WDR41: variants seen among roughly 807,000 people sequenced by gnomAD.
The protein encoded by WDR41 is WD repeat domain 41, also known as WD repeat-containing protein 41.
A neutral mutation model predicts 69.3 loss-of-function variants in WDR41; 63 were observed. That is an observed-to-expected ratio of 0.91 (90% CI 0.74 to 1.12). The LOEUF (loss-of-function observed/expected upper bound fraction) is 1.12, where lower values mean the gene tolerates loss of function less well. WDR41 is among the 50% of genes most tolerant of loss of function. The pLI is 0.00. For missense variants in WDR41, 543 were observed against 534.5 expected (o/e 1.02, Z -0.16); for synonymous variants, 185 against 192.1 (o/e 0.96, Z 0.31).
intron 1 of WDR41, among the ~76,000 whole-genome samples, chr5:77,543,920 C>A (rs1293944834): frequency 6.6e-6 from 1 of 151,984 alleles, no homozygotes; most frequent in Non-Finnish European, 1.5e-5. Context: ...CACCAGGTAA[C>A]CCATAAAGAA....
intron 1 of WDR41, among the ~76,000 whole-genome samples, chr5:77,591,858 A>T (rs747826412): frequency 1.3e-5 from 2 of 152,120 alleles, no homozygotes; most frequent in African/African-American, 2.4e-5. Flanking sequence ...AAGAATGTAC[A>T]TTCTAGGTTG....
At chr5:77,476,462 C>A (rs1265494071) in intron 2 of WDR41, among the ~76,000 whole-genome samples, 5 of 152,122 alleles carry the variant, frequency 3.3e-5, no homozygotes, top group Non-Finnish European at 5.9e-5. Flanking sequence ...CCATCAGACT[C>A]ACAGCGGATC....
At chr5:77,479,352 C>T (rs1801116758) in intron 2 of WDR41, among the ~76,000 whole-genome samples, 1 of 152,004 alleles carries the variant, frequency 6.6e-6, no homozygotes, top group Non-Finnish European at 1.5e-5. Context: ...CAAAAAAGAG[C>T]CCGCATCACC....
chr5:77,533,910 T>C (rs1323322975), intron 1 of WDR41, among the ~76,000 whole-genome samples: 1 of 152,146 alleles, frequency 6.6e-6, no homozygotes, highest in African/African-American at 2.4e-5. Flanking sequence ...GCACTGCATC[T>C]TCCTTTGCAA....
Position 77,431,638 on chromosome 5 carries a change from C to T in WDR41, c.*1497G>A, listed in dbSNP as rs537314863. ...TCTACCACTCCATTTGAATAGATTA[C>T]TATCACAAAATACTAGCCTAGAACA... On this transcript the variant is annotated 3_prime_UTR_variant, in exon 13 of 13. Transcript: ENST00000296679. 1 of 152,234 alleles carries T rather than the reference C, an allele frequency of 6.6e-6. No individual in the cohort carries two copies. The highest frequency in any genetic ancestry group is 2.1e-4 in the South Asian group (1 of 4,816). 9.4% of individuals were successfully genotyped at this position (152,234 alleles called of 1,614,324 possible). A position where few individuals can be genotyped will look rare whatever the true frequency, so the allele number is the denominator to read the frequency against.
At chr5:77,535,317 A>G (rs1561217243) in intron 1 of WDR41, among the ~76,000 whole-genome samples, 2 of 152,144 alleles carry the variant, frequency 1.3e-5, no homozygotes, top group South Asian at 4.2e-4. Context: ...GAAACATGCT[A>G]TATTTATGCA....
At chr5:77,532,490 C>T (rs900265688) in intron 1 of WDR41, among the ~76,000 whole-genome samples, 9 of 152,040 alleles carry the variant, frequency 5.9e-5, no homozygotes, top group Non-Finnish European at 1.2e-4. Context: ...CACCAAGAGT[C>T]TTGTAAAAGA....
chr5:77,553,186 A>G (rs987337654), intron 1 of WDR41, among the ~76,000 whole-genome samples: 2 of 152,212 alleles, frequency 1.3e-5, no homozygotes, highest in African/African-American at 4.8e-5. Flanking sequence ...CAAACTGGGT[A>G]ATTTATAAAG....
intron 1 of WDR41, among the ~76,000 whole-genome samples, chr5:77,611,026 C>A (rs1744538131): frequency 6.6e-6 from 1 of 152,184 alleles, no homozygotes; most frequent in Admixed American, 6.5e-5. Context: ...ATAAAACAGA[C>A]TTTAAACCAA....
At chr5:77,556,677 A>G (rs141859637) in intron 1 of WDR41, among the ~76,000 whole-genome samples, 24 of 152,336 alleles carry the variant, frequency 1.6e-4, no homozygotes, top group Admixed American at 1.5e-3. Flanking sequence ...TGGTTGCCCC[A>G]TGAAAGGTGA....
At chr5:77,613,941 A>T (rs1744621098) in intron 1 of WDR41, among the ~76,000 whole-genome samples, 1 of 152,208 alleles carries the variant, frequency 6.6e-6, no homozygotes, top group Non-Finnish European at 1.5e-5. Flanking sequence ...ACTCAAACAA[A>T]TTTACAAGAA....
At chr5:77,475,186 A>T (rs1561755000) in intron 2 of WDR41, among the ~76,000 whole-genome samples, 1 of 152,194 alleles carries the variant, frequency 6.6e-6, no homozygotes, top group African/African-American at 2.4e-5. Flanking sequence ...AGTCTCGCTA[A>T]TTGCTAGCAC....
intron 2 of WDR41, among the ~76,000 whole-genome samples, chr5:77,473,554 G>C (rs888040598): frequency 8.5e-5 from 13 of 152,066 alleles, no homozygotes; most frequent in Admixed American, 8.5e-4. Context: ...ATCTGACAAA[G>C]GGCTAATATC....
At chr5:77,562,626 G>A (rs1053879656) in intron 1 of WDR41, among the ~76,000 whole-genome samples, 1 of 152,112 alleles carries the variant, frequency 6.6e-6, no homozygotes, top group Non-Finnish European at 1.5e-5. Flanking sequence ...CATGATAATT[G>A]TTCTAGAAAG....
At chr5:77,577,412 C>A (rs951331754) in intron 1 of WDR41, among the ~76,000 whole-genome samples, 3 of 150,742 alleles carry the variant, frequency 2.0e-5, no homozygotes, top group African/African-American at 7.3e-5. Flanking sequence ...AGAAATTGCT[C>A]AATCTCGGTA....
At chr5:77,456,060 G>C (rs1407887249) in intron 5 of WDR41, among the ~76,000 whole-genome samples, 3 of 151,992 alleles carry the variant, frequency 2.0e-5, no homozygotes, top group African/African-American at 7.2e-5. Flanking sequence ...GGTAGTGGTG[G>C]AATCATAACA....
At chr5:77,596,303 A>C (rs1395698686) in intron 1 of WDR41, among the ~76,000 whole-genome samples, 1 of 151,820 alleles carries the variant, frequency 6.6e-6, no homozygotes, top group Non-Finnish European at 1.5e-5. Context: ...GTGCACCACC[A>C]CCCCCAGCTA....
chr5:77,590,231 A>T (rs1356420542), intron 1 of WDR41, among the ~76,000 whole-genome samples: 5 of 152,214 alleles, frequency 3.3e-5, no homozygotes, highest in African/African-American at 1.2e-4. Context: ...AGATTTGCTA[A>T]TATTTTAATT....
intron 1 of WDR41, among the ~76,000 whole-genome samples, chr5:77,508,125 A>T (rs1051922396): frequency 4.0e-5 from 6 of 151,612 alleles, no homozygotes; most frequent in Admixed American, 3.9e-4. Context: ...TTATTTATTT[A>T]TTTTTTCTTT....
Sources: allele counts gnomAD v4.1 joint callset (sites outside exome capture counted in the v4.1 genomes callset), GRCh38; gene constraint gnomAD v4.1.1; transcripts MANE v1.5; gene names NCBI Gene and HGNC (gene_info 2026-07-23, HGNC 2026-07-21).